OCIAD1: variants seen among roughly 807,000 people sequenced by gnomAD.
OCIAD1 encodes OCIA domain containing 1.
In OCIAD1, 29 loss-of-function variants were observed where a neutral mutation model predicts 38.9. The ratio of observed to expected loss-of-function variants is 0.74; its 90% CI spans 0.55 to 1.02. The LOEUF (loss-of-function observed/expected upper bound fraction) is 1.02, where lower values mean the gene tolerates loss of function less well. OCIAD1 is among the 50% of genes least tolerant of loss of function. OCIAD1 has a pLI of 0.00. For missense variants in OCIAD1, 288 were observed against 289.6 expected, an observed-to-expected ratio of 0.99 and a Z score of 0.04; for synonymous variants, 110 against 92.0, an observed-to-expected ratio of 1.20 and a Z score of -1.12.
At chr4:48,810,899 T>C (rs1319757974) in intron 1 of OCIAD1, among the ~76,000 whole-genome samples, 4 of 147,234 alleles carry the variant, frequency 2.7e-5, no homozygotes, top group Non-Finnish European at 6.0e-5. Flanking sequence ...TCTTTCTTTT[T>C]TTTTTTTTTT....
At chr4:48,855,491 A>G (rs1023301254) in intron 7 of OCIAD1, among the ~76,000 whole-genome samples, 2 of 152,206 alleles carry the variant, frequency 1.3e-5, no homozygotes, top group Admixed American at 6.6e-5. Context: ...TTATATAAGT[A>G]TAGTATATAT....
intron 1 of OCIAD1, 38 bp from the exon 2 acceptor site, chr4:48,832,582 T>G (rs1424877999): frequency 6.7e-7 from 1 of 1,483,802 alleles, no homozygotes; most frequent in East Asian, 2.3e-5. Flanking sequence ...TATCTAGTGA[T>G]AGTTTCTAAT....
chr4:48,841,314 G>A (rs1431442362), intron 3 of OCIAD1, among the ~76,000 whole-genome samples: 1 of 152,206 alleles, frequency 6.6e-6, no homozygotes, highest in Admixed American at 6.5e-5. Context: ...GTAGTCACAT[G>A]TAGCAATTTA....
At chr4:48,819,716 C>CAA (rs576081813) in intron 1 of OCIAD1, among the ~76,000 whole-genome samples, 3 of 10,454 alleles carry the variant, frequency 2.9e-4, no homozygotes, top group African/African-American at 6.8e-4. Context: ...TTACCAAGCG[C>CAA]AAAAAAAAAA....
At chr4:48,825,671 T>A (rs1200123786) in intron 1 of OCIAD1, among the ~76,000 whole-genome samples, 1 of 152,184 alleles carries the variant, frequency 6.6e-6, no homozygotes, top group Non-Finnish European at 1.5e-5. Flanking sequence ...ATCAATAGCT[T>A]GTGGCATACC....
chr4:48,832,878 AC>A, intron 2 of OCIAD1, 196 bp downstream of exon 2: 1 of 582,182 alleles, frequency 1.7e-6, no homozygotes, highest in Non-Finnish European at 3.1e-6. Context: ...TTTATTTTGC[AC>A]TGGGCCCAGC....
At chr4:48,807,637 A>G (rs1777042573) in intron 1 of OCIAD1, among the ~76,000 whole-genome samples, 1 of 152,012 alleles carries the variant, frequency 6.6e-6, no homozygotes, top group Admixed American at 6.6e-5. Context: ...TCTTCTTTCC[A>G]TCATTTTAAT....
At chr4:48,850,150 T>G in intron 6 of OCIAD1, 68 bp downstream of exon 6, 1 of 1,517,178 alleles carries the variant, frequency 6.6e-7, no homozygotes, top group Non-Finnish European at 9.0e-7. Flanking sequence ...TTGCTATAAC[T>G]CATGGCTCAA....
At chr4:48,833,177 G>A (rs565006396) in intron 2 of OCIAD1, among the ~76,000 whole-genome samples, 2 of 152,192 alleles carry the variant, frequency 1.3e-5, no homozygotes, top group East Asian at 1.9e-4. Flanking sequence ...CTTGAACCCC[G>A]GGAGGTGGAG....
At chr4:48,834,435 T>C (rs1309970380) in intron 3 of OCIAD1, among the ~76,000 whole-genome samples, 1 of 152,248 alleles carries the variant, frequency 6.6e-6, no homozygotes, top group Non-Finnish European at 1.5e-5. Context: ...CCCAAAGTGC[T>C]GGGATTATAG....
intron 4 of OCIAD1, 119 bp from the exon 5 acceptor site, chr4:48,848,280 C>G: frequency 1.8e-6 from 1 of 547,298 alleles, no homozygotes; most frequent in Non-Finnish European, 3.2e-6. Context: ...ATTAAACAGT[C>G]TAGGGTTCTG....
At chr4:48,836,754 A>G (rs928327449) in intron 3 of OCIAD1, among the ~76,000 whole-genome samples, 32 of 152,212 alleles carry the variant, frequency 2.1e-4, no homozygotes, top group African/African-American at 7.7e-4. Flanking sequence ...TTATCCACCA[A>G]TATTCAGAGA....
chr4:48,841,021 A>G (rs1219068930), intron 3 of OCIAD1, among the ~76,000 whole-genome samples: 1 of 152,172 alleles, frequency 6.6e-6, no homozygotes, highest in Non-Finnish European at 1.5e-5. Context: ...GTCTAAAAAC[A>G]TAAAATAAGA....
At chr4:48,843,370 C>G (rs1778701505) in intron 4 of OCIAD1, among the ~76,000 whole-genome samples, 1 of 151,932 alleles carries the variant, frequency 6.6e-6, no homozygotes, top group African/African-American at 2.4e-5. Flanking sequence ...GGAAGGTGTC[C>G]CAGAAAAGGA....
chr4:48,837,516 C>T (rs1778115901), intron 3 of OCIAD1, among the ~76,000 whole-genome samples: 1 of 151,964 alleles, frequency 6.6e-6, no homozygotes, highest in African/African-American at 2.4e-5. Flanking sequence ...TGGTCTCGAG[C>T]TCCTGACCTT....
At chr4:48,823,663 T>A (rs1262907699) in intron 1 of OCIAD1, among the ~76,000 whole-genome samples, 3 of 152,018 alleles carry the variant, frequency 2.0e-5, no homozygotes, top group Admixed American at 6.6e-5. Context: ...TTATTTTTAT[T>A]TATTTTTAAT....
At position 48,845,552 on chromosome 4, in the gene OCIAD1, AC is replaced by A. The variant is rs11340115; in HGVS notation, c.194-2846del. Reference sequence around the variant, plus strand: ...ATACATTGTTATATAGCACTAAACAACAAAAATTCATTAACTCTTGGTGCTT... The same window carrying A: ...ATACATTGTTATATAGCACTAAACAAAAAAATTCATTAACTCTTGGTGCTT... On this transcript the variant is annotated intron_variant, in intron 4 of 8. Coordinates refer to ENST00000264312, the MANE Select transcript of OCIAD1 (RefSeq NM_017830.4). Among the ~76,000 whole-genome samples, 1,000 of 152,328 alleles carry A rather than the reference AC, an allele frequency of 6.6e-3. 13 individuals carry two copies. Among genetic ancestry groups the A allele is most frequent in the African/African-American group, 0.023 (960 of 41,566 alleles).
At chr4:48,852,886 T>TTTG (rs1278520378) in intron 7 of OCIAD1, among the ~76,000 whole-genome samples, 1 of 146,094 alleles carries the variant, frequency 6.8e-6, no homozygotes, top group Non-Finnish European at 1.5e-5. Context: ...TTTTTTGTTT[T>TTTG]TTTTTTTTTT....
intron 1 of OCIAD1, among the ~76,000 whole-genome samples, chr4:48,807,532 C>T (rs1041285051): frequency 4.6e-5 from 7 of 152,146 alleles, no homozygotes; most frequent in African/African-American, 1.4e-4. Context: ...GTGTTTAGAA[C>T]AGTACCTGAC....
Sources: allele counts gnomAD v4.1 joint callset (sites outside exome capture counted in the v4.1 genomes callset), GRCh38; gene constraint gnomAD v4.1.1; transcripts MANE v1.5; gene names NCBI Gene and HGNC (gene_info 2026-07-23, HGNC 2026-07-21).